Variants in LRP5 observed in about 807,000 individuals in gnomAD.
The protein encoded by LRP5 is LDL receptor related protein 5, also known as low-density lipoprotein receptor-related protein 5.
In LRP5, 62 loss-of-function variants were observed where a neutral mutation model predicts 154.1. That is an observed-to-expected ratio of 0.40 (90% confidence interval 0.33 to 0.50). The LOEUF (loss-of-function observed/expected upper bound fraction) is 0.50. Among genes scored for constraint, LRP5 ranks in the 20% least tolerant of loss-of-function variants. The pLI is 0.55. For missense variants in LRP5, 1,915 were observed against 2,336.7 expected, an observed-to-expected ratio of 0.82 and a Z score of 3.72; for synonymous variants, 966 against 1,011.5, an observed-to-expected ratio of 0.96 and a Z score of 0.85.
At chr11:68,362,559 T>C (rs2098628669) in intron 3 of LRP5, among the ~76,000 whole-genome samples, 1 of 151,900 alleles carries the variant, frequency 6.6e-6, no homozygotes, top group African/African-American at 2.4e-5. Context: ...GGTGTGGTGG[T>C]GCACGCCTGT....
chr11:68,371,435 G>A (rs2098633946), intron 5 of LRP5, among the ~76,000 whole-genome samples: 2 of 152,236 alleles, frequency 1.3e-5, no homozygotes, highest in African/African-American at 4.8e-5. Context: ...TCACAAAGCA[G>A]ACCACGCGGC....
chr11:68,323,635 A>T (rs1565316492), intron 1 of LRP5, among the ~76,000 whole-genome samples: 1 of 151,372 alleles, frequency 6.6e-6, no homozygotes, highest in Non-Finnish European at 1.5e-5. Flanking sequence ...GCCCAGGTTC[A>T]TTTGGAACTC....
chr11:68,352,108 G>C (rs2098619158), intron 2 of LRP5, among the ~76,000 whole-genome samples: 1 of 152,160 alleles, frequency 6.6e-6, no homozygotes. Flanking sequence ...GTGAGCTGTG[G>C]GGTGGGTGGC....
chr11:68,414,758 C>T lies in LRP5; in HGVS notation c.2827+746C>T, dbSNP rs768080805. ...CGTTGGAGTCTCACGCAGACCTGGT[C>T]GCAGGCGGGGCTGGTCTTGCCTGTC... On this transcript the variant is annotated intron_variant, in intron 12 of 22. Coordinates refer to ENST00000294304, the MANE Select transcript of LRP5 (RefSeq NM_002335.4). 1.5e-4 allele frequency among the ~76,000 whole-genome samples: 23 copies of T among 152,228 alleles called. 1 individual carries two copies. Among genetic ancestry groups the T allele is most frequent in the Non-Finnish European group, 3.2e-4 (22 of 68,032 alleles).
rs537692796 is a variant in LRP5, at chr11:68,382,549, C to T, written c.1016-3767C>T. Among the ~76,000 whole-genome samples the T allele has an allele frequency of 3.0e-4, 45 of 152,326 alleles. 1 individual carries two copies. Among genetic ancestry groups the T allele is most frequent in the African/African-American group, 8.2e-4 (34 of 41,574 alleles). On this transcript the variant is annotated intron_variant, in intron 5 of 22. Transcript: ENST00000294304. ...GGTCTCTGCCCTGTGACCCCAAGGGCGTCCTGAGGGCAGATTCCAAGTCTG... is the reference window on the plus strand; with the variant it reads ...GGTCTCTGCCCTGTGACCCCAAGGGTGTCCTGAGGGCAGATTCCAAGTCTG...
chr11:68,433,769 G>A lies in LRP5; in HGVS notation c.3931G>A (p.Val1311Met). The part of the protein sequence containing the change: ...AQFPCARGQC[V>M]DLRLRCDGEA... ...GTTCCCCTGCGCGCGGGGTCAGTGT[G>A]TGGACCTGCGCCTGCGCTGCGACGG... The change falls in exon 18 of 23, where the codon GTG (valine) becomes ATG (methionine). Residue 1311 changes from valine (V) to methionine (M), a missense_variant. This residue lies in a region of LRP5 where 1,094 missense variants were observed against 1,210.1 expected (regional missense o/e 0.90). Transcript: ENST00000294304. The A allele has an allele frequency of 6.2e-7, 1 of 1,612,632 alleles. No individual in the cohort carries two copies. The highest frequency in any genetic ancestry group is 8.5e-7 in the Non-Finnish European group (1 of 1,179,780).
rs755030131 is a variant in LRP5, at chr11:68,348,239, C to T, written c.484C>T (p.His162Tyr). The change falls in exon 2 of 23, where the codon CAC (histidine) becomes TAC (tyrosine). Residue 162 changes from histidine to tyrosine, a missense_variant. His to Tyr is a moderately conservative substitution (Grantham distance 83). Coordinates refer to ENST00000294304, the MANE Select transcript of LRP5 (RefSeq NM_002335.4). ...QPRAIALDPA[H>Y]GYMYWTDWGE... ...GAGGGCCATCGCCTTGGACCCCGCTCACGGGTAAACCCTGCTGCGACTCCA... is the reference window on the plus strand; with the variant it reads ...GAGGGCCATCGCCTTGGACCCCGCTTACGGGTAAACCCTGCTGCGACTCCA... 4 of 1,605,014 alleles carry T rather than the reference C, an allele frequency of 2.5e-6. No homozygotes were observed. The highest frequency in any genetic ancestry group is 2.2e-5 in the South Asian group (2 of 91,090).
chr11:68,387,531 T>C (rs2098643708), intron 6 of LRP5, among the ~76,000 whole-genome samples: 1 of 152,034 alleles, frequency 6.6e-6, no homozygotes, highest in Non-Finnish European at 1.5e-5. Flanking sequence ...TTGCCCAGGG[T>C]CACACAGCAG....
intron 12 of LRP5, 25 bp downstream of exon 12, chr11:68,414,037 C>T (rs1565092427): frequency 1.3e-6 from 2 of 1,591,494 alleles, no homozygotes; most frequent in Admixed American, 3.4e-5. Context: ...GTCCCCCGCA[C>T]CTCACTCCCT....
chr11:68,443,228 C>T (rs963529819), intron 21 of LRP5, among the ~76,000 whole-genome samples: 3 of 151,710 alleles, frequency 2.0e-5, no homozygotes, highest in African/African-American at 7.3e-5. Flanking sequence ...TTGGGCCCAG[C>T]GTGATGGCTT....
chr11:68,404,434 ACT>A, intron 8 of LRP5: 1 of 501,594 alleles, frequency 2.0e-6, no homozygotes, highest in South Asian at 1.5e-5. Flanking sequence ...GCCCGGGTTG[ACT>A]CTGCTGCCCG....
chr11:68,305,094 TC>T, the LRP5 span, among the ~76,000 whole-genome samples: 4 of 151,648 alleles, frequency 2.6e-5, no homozygotes, highest in Admixed American at 6.6e-5. Context: ...TGGATATTTG[TC>T]CCCCCAAACC....
Position 68,397,440 on chromosome 11 carries a change from A to C in LRP5, c.1585-6043A>C, listed in dbSNP as rs542442155. ...CAGCCCTCTCCCGAACCCCAGCCCC[A>C]TGTGCCCAGCTGCCCCCGGCCCTCT... On this transcript the variant is annotated intron_variant, in intron 7 of 22. Transcript: ENST00000294304. Among the ~76,000 whole-genome samples the C allele has an allele frequency of 8.6e-4, 130 of 151,914 alleles. 1 individual carries two copies. The highest frequency in any genetic ancestry group is 3.0e-3 in the African/African-American group (126 of 41,434).
At chr11:68,359,018 G>A (rs1280320248) in intron 3 of LRP5, among the ~76,000 whole-genome samples, 1 of 152,230 alleles carries the variant, frequency 6.6e-6, no homozygotes, top group East Asian at 1.9e-4. Flanking sequence ...GAACAGACTT[G>A]AGGGCTTGGG....
In LRP5 at chr11:68,423,506, T is replaced by A; in HGVS notation, c.3045T>A (p.Ser1015=). Residue 1015 remains serine (S), a synonymous_variant, in exon 14 of 23, where the codon TCT becomes TCA. Transcript: ENST00000294304. The surrounding 1 kb of genome is among the most constrained non-coding windows in gnomAD (Gnocchi z 4.7). The part of the protein sequence containing the change: ...DDGTQPFVLT[S]LSQGQNPDRQ... ...TCTTACAGCCCTTTGTTTTGACCTC[T>A]CTGAGCCAAGGCCAAAACCCAGACA... 1 of 1,614,156 alleles carries A rather than the reference T, an allele frequency of 6.2e-7. No individual in the cohort carries two copies. Among genetic ancestry groups the A allele is most frequent in the East Asian group, 2.2e-5 (1 of 44,880 alleles).
intron 16 of LRP5, among the ~76,000 whole-genome samples, chr11:68,426,586 C>T (rs546155682): frequency 1.3e-5 from 2 of 150,572 alleles, no homozygotes; most frequent in South Asian, 4.2e-4. Context: ...CACCACCACA[C>T]CTGGCTAATT....
At chr11:68,344,566 C>T (rs1333382170) in intron 1 of LRP5, among the ~76,000 whole-genome samples, 3 of 151,988 alleles carry the variant, frequency 2.0e-5, no homozygotes, top group African/African-American at 4.8e-5. Flanking sequence ...GTGATCTGCC[C>T]GCCTCGGCCT....
At chr11:68,407,142 T>C (rs1330689335) in intron 9 of LRP5, among the ~76,000 whole-genome samples, 1 of 151,644 alleles carries the variant, frequency 6.6e-6, no homozygotes, top group East Asian at 1.9e-4. Context: ...AGTGCAAATG[T>C]AAACATCCAG....
chr11:68,416,446 C>A lies in LRP5; in HGVS notation c.2946C>A (p.Ile982=), dbSNP rs147716006. ...PLHGLRNVKA[I]DYDPLDKFIY... ...ATGGACTGAGGAACGTCAAAGCCAT[C>A]GACTATGACCCACTGGACAAGTTCA... The change falls in exon 13 of 23, where the codon ATC becomes ATA. Residue 982 remains isoleucine, a synonymous_variant. Coordinates refer to ENST00000294304, the MANE Select transcript of LRP5 (RefSeq NM_002335.4). The A allele has an allele frequency of 1.9e-6, 3 of 1,614,132 alleles. No homozygotes were observed. The highest frequency in any genetic ancestry group is 2.5e-6 in the Non-Finnish European group (3 of 1,180,004).
Sources: gnomAD v4.1 joint callset for allele counts (sites outside exome capture counted in the v4.1 genomes callset) on GRCh38, gnomAD v4.1.1 for gene constraint, gnomAD v4.1.1 regional missense constraint, Gnocchi (gnomAD v3.1) non-coding constraint, MANE v1.5 for transcripts, NCBI Gene and HGNC (gene_info 2026-07-23, HGNC 2026-07-21) for gene names.